The following NFKBIL1 variants were observed in gnomAD, a reference collection of about 807,000 sequenced individuals.
The protein encoded by NFKBIL1 is NF-kappa-B inhibitor-like protein 1.
Under a neutral mutation model 45.4 loss-of-function variants are expected in NFKBIL1, and 30 were observed. That is an observed-to-expected ratio of 0.66 (90% CI 0.49 to 0.90). The LOEUF (loss-of-function observed/expected upper bound fraction) is 0.90, where lower values mean the gene tolerates loss of function less well. Ranked by LOEUF, NFKBIL1 falls within the 40% of genes least tolerant of loss-of-function variation. The pLI is 0.00. For missense variants in NFKBIL1, 434 were observed against 513.4 expected (o/e 0.85, Z 1.49); for synonymous variants, 179 against 197.3 (o/e 0.91, Z 0.78).
At chr6:31,553,438 T>G (rs1169116004) in intron 2 of NFKBIL1, among the ~76,000 whole-genome samples, 1 of 152,060 alleles carries the variant, frequency 6.6e-6, no homozygotes, top group African/African-American at 2.4e-5. Flanking sequence ...TCCAGCAGAT[T>G]AAATACCTGA....
At chr6:31,555,899 TC>T (rs35902906) in intron 2 of NFKBIL1, among the ~76,000 whole-genome samples, 36,351 of 145,730 alleles carry the variant, frequency 0.25, 4,679 homozygotes, top group South Asian at 0.43. Flanking sequence ...TGATCCATTG[TC>T]CCCCCCCCCC....
chr6:31,558,631 A>C lies in NFKBIL1; in HGVS notation c.*20A>C. 1.3e-6 allele frequency: 2 copies of C among 1,526,544 alleles called. No individual in the cohort carries two copies. Among genetic ancestry groups the C allele is most frequent in the Non-Finnish European group, 1.8e-6 (2 of 1,129,200 alleles). 94.6% of individuals were successfully genotyped at this position (1,526,544 alleles called of 1,614,324 possible). The stretch of plus-strand genomic sequence containing the variant: ...AAGTGACCCTAGGGAAGAAGCAAGA[A>C]ACTTCGGGGCTGCAGCCTCAGGATG... On this transcript the variant is annotated 3_prime_UTR_variant, in exon 4 of 4. Coordinates refer to ENST00000376148, the MANE Select transcript of NFKBIL1 (RefSeq NM_005007.4). The surrounding 1 kb of genome is among the most constrained non-coding windows in gnomAD (Gnocchi z 7.2).
intron 2 of NFKBIL1, chr6:31,556,641 T>G: frequency 2.2e-6 from 1 of 455,844 alleles, no homozygotes. Flanking sequence ...TCCTGTTTTC[T>G]CTCAGCCCAT....
At chr6:31,550,502 G>A (rs756817048) in intron 2 of NFKBIL1, among the ~76,000 whole-genome samples, 8 of 151,802 alleles carry the variant, frequency 5.3e-5, no homozygotes, top group Non-Finnish European at 1.2e-4. Context: ...TTAAAACAGA[G>A]TAGGTTTACT....
chr6:31,550,676 AGTTTTGTTTTTTGTTTT>A (rs1562448442), intron 2 of NFKBIL1, among the ~76,000 whole-genome samples: 1 of 151,802 alleles, frequency 6.6e-6, no homozygotes, highest in Non-Finnish European at 1.5e-5. Context: ...CAAAAATGGG[AGTTTTGTTTTTTGTTTT>A]GTTTTGTTTT....
intron 2 of NFKBIL1, among the ~76,000 whole-genome samples, chr6:31,556,970 A>AT (rs1769774133): frequency 6.6e-6 from 1 of 152,208 alleles, no homozygotes; most frequent in African/African-American, 2.4e-5. Context: ...TAGTGACAAT[A>AT]TTTTTAAGTG....
At chr6:31,547,547 A>T (rs1582991910), upstream of NFKBIL1, 1 of 526,826 alleles carries the variant, frequency 1.9e-6, no homozygotes, top group Non-Finnish European at 3.3e-6. Flanking sequence ...CTCACAGTTC[A>T]CTTCCGTCCT....
chr6:31,549,221 T>A (rs948366362), intron 2 of NFKBIL1, among the ~76,000 whole-genome samples: 1 of 152,120 alleles, frequency 6.6e-6, no homozygotes, highest in Non-Finnish European at 1.5e-5. Flanking sequence ...TGGTATATGC[T>A]GGCGATTGTT....
rs1376248551 is a variant in NFKBIL1, at chr6:31,547,707, TC to T, written c.19del (p.Gln7ArgfsTer55). On this transcript the variant is annotated frameshift_variant, in exon 1 of 4. Transcript: ENST00000376148. LOFTEE classifies it high-confidence loss of function. ...GGGGGCAGGTCTGATGAGTAACCCC[TC>T]CCCCCAGGTTCCAGAGGAAGAAGCC... MSNP[S>X]PQVPEEEAST... The T allele has an allele frequency of 3.1e-6, 5 of 1,610,324 alleles. No individual in the cohort carries two copies. The South Asian group carries it at 3.3e-5, about 11-fold the overall frequency.
In NFKBIL1 at chr6:31,557,991, C is replaced by G. The variant is rs199921464; in HGVS notation, c.557-31C>G. 7 of 1,519,184 alleles carry G rather than the reference C, an allele frequency of 4.6e-6. No individual in the cohort carries two copies. The highest frequency in any genetic ancestry group is 6.3e-6 in the Non-Finnish European group (7 of 1,119,992). The allele number at this position is 1,519,184 out of a possible 1,614,324, so 94.1% of individuals were successfully genotyped here. On this transcript the variant is annotated intron_variant, in intron 3 of 3. Coordinates refer to ENST00000376148, the MANE Select transcript of NFKBIL1 (RefSeq NM_005007.4). The surrounding 1 kb of genome is among the most constrained non-coding windows in gnomAD (Gnocchi z 5.4). ...CCCATCACCTTCTCACAGCCTCTCTCCAACTACCCCCATCCCACCCTCCCA... is the reference window on the plus strand; with the variant it reads ...CCCATCACCTTCTCACAGCCTCTCTGCAACTACCCCCATCCCACCCTCCCA...
intron 2 of NFKBIL1, among the ~76,000 whole-genome samples, chr6:31,555,468 C>T (rs894283499): frequency 1.2e-3 from 175 of 150,954 alleles, no homozygotes; most frequent in Admixed American, 2.6e-3. Context: ...GAACTCCTGA[C>T]CTCAGGTGAT....
chr6:31,558,553 T>G lies in NFKBIL1; in HGVS notation c.1088T>G (p.Met363Arg). ...GAGACCTGGGAGCTGGGCCGTGTGA[T>G]GGGAGCAGTGACAGCCCTTTCTCAG... The part of the protein sequence containing the change: ...QIETWELGRV[M>R]GAVTALSQAL... The change falls in exon 4 of 4, where the codon ATG becomes AGG. Residue 363 changes from methionine (M) to arginine (R), a missense_variant. Physicochemically the swap from Met to Arg is moderately conservative, Grantham distance 91 (BLOSUM62 -1). Around this residue, in one of 4 missense-constraint regions of NFKBIL1, gnomAD observed 52 missense variants for 95.9 expected, o/e 0.54. Coordinates refer to ENST00000376148, the MANE Select transcript of NFKBIL1 (RefSeq NM_005007.4). The surrounding 1 kb of genome is among the most constrained non-coding windows in gnomAD (Gnocchi z 7.2). The G allele has an allele frequency of 6.4e-7, 1 of 1,565,042 alleles. No individual in the cohort carries two copies. The highest frequency in any genetic ancestry group is 8.7e-7 in the Non-Finnish European group (1 of 1,154,570).
At chr6:31,555,165 A>G (rs956943268) in intron 2 of NFKBIL1, among the ~76,000 whole-genome samples, 2 of 152,070 alleles carry the variant, frequency 1.3e-5, no homozygotes, top group African/African-American at 4.8e-5. Context: ...AAATTGGGGG[A>G]AAAGCCACCT....
In NFKBIL1 at chr6:31,557,708, G is replaced by C; in HGVS notation, c.415G>C (p.Gly139Arg). The change falls in exon 3 of 4, where the codon GGC becomes CGC. Residue 139 changes from glycine (G) to arginine (R), a missense_variant. By Grantham distance (125) the Gly-to-Arg change is moderately radical. Transcript: ENST00000376148. The surrounding 1 kb of genome is among the most constrained non-coding windows in gnomAD (Gnocchi z 5.4). ...GIKNKDGETP[G>R]QILGWGPPWD... ...AAAGAATAAGGATGGGGAGACCCCTGGCCAAATTTTGGGCTGGGGACCCCC... is the reference window on the plus strand; with the variant it reads ...AAAGAATAAGGATGGGGAGACCCCTCGCCAAATTTTGGGCTGGGGACCCCC... 6.2e-7 allele frequency: 1 copy of C among 1,608,604 alleles called. No individual in the cohort carries two copies. Among genetic ancestry groups the C allele is most frequent in the African/African-American group, 1.3e-5 (1 of 74,914 alleles).
chr6:31,558,751 A>C lies in NFKBIL1; in HGVS notation c.*140A>C. ...ATGGGTGGGAGCGAAAGTTGTAACA[A>C]GTGGGGGTGGGGGGTGCGGGCCGCC... On this transcript the variant is annotated 3_prime_UTR_variant, in exon 4 of 4. Coordinates refer to ENST00000376148, the MANE Select transcript of NFKBIL1 (RefSeq NM_005007.4). This position sits in a 1 kb window ranked among gnomAD's most constrained non-coding sequence, Gnocchi z 7.2. The C allele has an allele frequency of 6.0e-5, 32 of 537,326 alleles. No homozygotes were observed. The highest frequency in any genetic ancestry group is 5.2e-4 in the Middle Eastern group (1 of 1,930). 33.3% of individuals were successfully genotyped at this position (537,326 alleles called of 1,614,324 possible).
At chr6:31,548,532 G>C in intron 2 of NFKBIL1, 93 bp downstream of exon 2, 1 of 1,344,768 alleles carries the variant, frequency 7.4e-7, no homozygotes, top group Non-Finnish European at 9.6e-7. Flanking sequence ...TGGTTATTTG[G>C]TCATCAGGAC....
intron 2 of NFKBIL1, among the ~76,000 whole-genome samples, chr6:31,555,555 T>C (rs1162154380): frequency 6.8e-6 from 1 of 147,908 alleles, no homozygotes; most frequent in Non-Finnish European, 1.5e-5. Flanking sequence ...TTTCCAACCA[T>C]AGGATTTGGT....
At chr6:31,547,539 C>G (rs769077137), upstream of NFKBIL1, 8 of 498,500 alleles carry the variant, frequency 1.6e-5, no homozygotes, top group Non-Finnish European at 2.5e-5. Context: ...TAACGCCCCT[C>G]ACAGTTCACT....
At position 31,558,139 on chromosome 6, in the gene NFKBIL1, G is replaced by A. The variant is rs372327185; in HGVS notation, c.674G>A (p.Arg225Gln). The A allele has an allele frequency of 2.7e-5, 43 of 1,611,682 alleles. No individual in the cohort carries two copies. Among genetic ancestry groups the A allele is most frequent in the Middle Eastern group, 1.7e-4 (1 of 5,848 alleles). The change falls in exon 4 of 4, where the codon CGA becomes CAA. Residue 225 changes from arginine to glutamine, a missense_variant. This residue lies in a region of NFKBIL1 where 23 missense variants were observed against 46.9 expected (regional missense o/e 0.49). Transcript: ENST00000376148. This position sits in a 1 kb window ranked among gnomAD's most constrained non-coding sequence, Gnocchi z 7.2. ...CAGCGAGAAGCAGAGGGATCCCGTC[G>A]ACCCCCACGTGCTGAGGGCTCCAGC... is the stretch of plus-strand genomic sequence containing the variant. ...QQQREAEGSR[R>Q]PPRAEGSSQS...
Sources: gnomAD v4.1 joint callset for allele counts (sites outside exome capture counted in the v4.1 genomes callset) on GRCh38, gnomAD v4.1.1 for gene constraint, gnomAD v4.1.1 regional missense constraint, Gnocchi (gnomAD v3.1) non-coding constraint, MANE v1.5 for transcripts, NCBI Gene and HGNC (gene_info 2026-07-23, HGNC 2026-07-21) for gene names.